Variants in ODR4 observed in about 807,000 individuals in gnomAD.
ODR4 encodes the protein odr-4 GPCR localization factor homolog.
Under a neutral mutation model 60.2 loss-of-function variants are expected in ODR4, and 47 were observed. That is an observed-to-expected ratio of 0.78 (90% CI 0.62 to 1.00). The LOEUF (loss-of-function observed/expected upper bound fraction) is 1.00, where lower values mean the gene tolerates loss of function less well. Among genes scored for constraint, ODR4 ranks in the 50% least tolerant of loss-of-function variants. The pLI is 0.00. For synonymous variants in ODR4, 178 were observed against 175.5 expected (o/e 1.01, Z -0.11); for missense variants, 488 against 530.8 (o/e 0.92, Z 0.79).
intron 12 of ODR4, among the ~76,000 whole-genome samples, chr1:186,414,216 T>C (rs1396478178): frequency 6.6e-6 from 1 of 152,176 alleles, no homozygotes; most frequent in East Asian, 1.9e-4. Context: ...CTCAAATTTG[T>C]ATCAAACCTC....
intron 12 of ODR4, among the ~76,000 whole-genome samples, chr1:186,411,271 A>C (rs1411164352): frequency 6.6e-6 from 1 of 152,134 alleles, no homozygotes; most frequent in Non-Finnish European, 1.5e-5. Flanking sequence ...TACGATCCCA[A>C]GCATTTTGGA....
intron 11 of ODR4, among the ~76,000 whole-genome samples, chr1:186,403,693 A>G (rs557032633): frequency 6.6e-6 from 1 of 152,170 alleles, no homozygotes; most frequent in African/African-American, 2.4e-5. Flanking sequence ...ACTCCAATTA[A>G]TCCTTGCACT....
intron 1 of ODR4, among the ~76,000 whole-genome samples, chr1:186,376,491 G>A (rs188988192): frequency 6.6e-6 from 1 of 152,270 alleles, no homozygotes; most frequent in East Asian, 1.9e-4. Flanking sequence ...TCTCTCTGCA[G>A]TTCCCACAGT....
chr1:186,427,925 G>T, the ODR4 span, among the ~76,000 whole-genome samples: 1 of 152,270 alleles, frequency 6.6e-6, no homozygotes, highest in South Asian at 2.1e-4. Flanking sequence ...TCAACAGTGG[G>T]CTTAAAATAT....
chr1:186,423,861 A>G (rs1042123750), downstream of ODR4, among the ~76,000 whole-genome samples: 2 of 152,174 alleles, frequency 1.3e-5, no homozygotes, highest in African/African-American at 4.8e-5. Flanking sequence ...CTTGTAAGTG[A>G]TTGGCTAATT....
downstream of ODR4, among the ~76,000 whole-genome samples, chr1:186,423,146 C>T (rs1462147009): frequency 1.3e-5 from 2 of 152,138 alleles, no homozygotes; most frequent in African/African-American, 2.4e-5. Flanking sequence ...AACTTTTTGA[C>T]AAGACCTGGC....
intron 11 of ODR4, among the ~76,000 whole-genome samples, chr1:186,399,990 CTTTTTT>C (rs948511178): frequency 5.4e-4 from 61 of 112,076 alleles, no homozygotes; most frequent in Admixed American, 5.2e-3. Flanking sequence ...TTTTTTTTTT[CTTTTTT>C]TTTTTTTTTT....
intron 6 of ODR4, 120 bp from the exon 7 acceptor site, chr1:186,390,591 A>G (rs1660429080): frequency 2.0e-6 from 2 of 1,001,344 alleles, no homozygotes; most frequent in Non-Finnish European, 3.0e-6. Flanking sequence ...GGGTTTAGCC[A>G]TATATGTTAG....
chr1:186,405,672 C>T (rs1413194940), intron 11 of ODR4, among the ~76,000 whole-genome samples: 2 of 152,158 alleles, frequency 1.3e-5, no homozygotes, highest in African/African-American at 4.8e-5. Context: ...CTGCCTCAGC[C>T]TCCTGAGTAG....
chr1:186,381,597 G>A (rs1404678266), intron 2 of ODR4, among the ~76,000 whole-genome samples: 1 of 152,122 alleles, frequency 6.6e-6, no homozygotes, highest in Non-Finnish European at 1.5e-5. Context: ...AAAGTGCTGG[G>A]ATTACAGGCG....
Position 186,421,250 on chromosome 1 carries a change from G to T in ODR4, c.*2174G>T, listed in dbSNP as rs1424202903. 6.6e-6 allele frequency: 1 copy of T among 152,038 alleles called. No individual in the cohort carries two copies. The allele number at this position is 152,038 out of a possible 1,614,324, so 9.4% of individuals were successfully genotyped here. A position where few individuals can be genotyped will look rare whatever the true frequency, so the allele number is the denominator to read the frequency against. ...AGGATTATCTGAAATTGAAAAACTAGTAAGCAAATAAATGATAAACATAAG... is the reference window on the plus strand; with the variant it reads ...AGGATTATCTGAAATTGAAAAACTATTAAGCAAATAAATGATAAACATAAG... On this transcript the variant is annotated 3_prime_UTR_variant, in exon 14 of 14. Transcript: ENST00000287859.
At position 186,401,135 on chromosome 1, in the gene ODR4, T is replaced by G. The variant is rs189775460; in HGVS notation, c.1000+2091T>G. ...ATTTAAAAATCCTTTATAAAAGTGG[T>G]ATTATATGGCTATCCTGGTATTCTT... On this transcript the variant is annotated intron_variant, in intron 11 of 13. Transcript: ENST00000287859. The G allele has an allele frequency of 8.8e-6, 14 of 1,596,274 alleles. No homozygotes were observed. The East Asian group carries it at 2.9e-4, about 33-fold the overall frequency.
Position 186,390,866 on chromosome 1 carries a change from T to G in ODR4, c.615+15T>G. On this transcript the variant is annotated intron_variant, in intron 7 of 13. Transcript: ENST00000287859. ...AAAATACAAAGGTACCAGGGTAAAATGAATTTTCTTCAGTGATTGCTGAGT... is the reference window on the plus strand; with the variant it reads ...AAAATACAAAGGTACCAGGGTAAAAGGAATTTTCTTCAGTGATTGCTGAGT... The G allele has an allele frequency of 6.2e-7, 1 of 1,603,804 alleles. No individual in the cohort carries two copies. Among genetic ancestry groups the G allele is most frequent in the Non-Finnish European group, 8.5e-7 (1 of 1,173,730 alleles).
intron 9 of ODR4, among the ~76,000 whole-genome samples, chr1:186,396,486 G>C (rs1660681644): frequency 6.6e-6 from 1 of 152,126 alleles, no homozygotes; most frequent in Non-Finnish European, 1.5e-5. Flanking sequence ...GTGTGTGCCT[G>C]TAGTCCCAGC....
intron 1 of ODR4, among the ~76,000 whole-genome samples, chr1:186,379,183 C>T (rs1372443729): frequency 6.6e-6 from 1 of 151,876 alleles, no homozygotes; most frequent in Non-Finnish European, 1.5e-5. Context: ...GTGGCTCACG[C>T]CTGTAATCCC....
chr1:186,382,460 C>G (rs993708607), intron 2 of ODR4, among the ~76,000 whole-genome samples: 2 of 151,574 alleles, frequency 1.3e-5, no homozygotes, highest in African/African-American at 4.8e-5. Flanking sequence ...ACACAAAGAA[C>G]AAAAAACAAA....
In ODR4 at chr1:186,389,591, AT is replaced by A. The variant is rs1660381770; in HGVS notation, c.445del (p.Cys149ValfsTer31). 1 of 1,540,386 alleles carries A rather than the reference AT, an allele frequency of 6.5e-7. No homozygotes were observed. The highest frequency in any genetic ancestry group is 8.8e-7 in the Non-Finnish European group (1 of 1,133,336). ...LHICASTKKI[F>X]CRTYDIHDPK... is the part of the protein sequence containing the mutation. ...TTTCTGTCCTTAATTAGTGAAGAAT[AT>A]TTTGTCGAACTTATGATATCCATGA... On this transcript the variant is annotated frameshift_variant, in exon 6 of 14. Coordinates refer to ENST00000287859, the MANE Select transcript of ODR4 (RefSeq NM_017847.6). LOFTEE classifies it high-confidence loss of function.
intron 13 of ODR4, 41 bp from the exon 14 acceptor site, chr1:186,418,968 T>C: frequency 6.4e-7 from 1 of 1,558,024 alleles, no homozygotes; most frequent in Non-Finnish European, 8.7e-7. Context: ...TTTCTTTTGC[T>C]CATTCCATTT....
In ODR4 at chr1:186,379,775, A is replaced by G. The variant is rs772409060; in HGVS notation, c.-11A>G. 2 of 1,523,656 alleles carry G rather than the reference A, an allele frequency of 1.3e-6. No individual in the cohort carries two copies. The highest frequency in any genetic ancestry group is 2.1e-5 in the Admixed American group (1 of 48,102). 94.4% of individuals were successfully genotyped at this position (1,523,656 alleles called of 1,614,324 possible). ...TTCTTCTTGTGATATAGGAGATTTT[A>G]GTTCCTAAAAATGGGAAGAACCTAC... is the stretch of plus-strand genomic sequence containing the variant. On this transcript the variant is annotated 5_prime_UTR_variant, in exon 2 of 14. Coordinates refer to ENST00000287859, the MANE Select transcript of ODR4 (RefSeq NM_017847.6).
Sources: allele counts gnomAD v4.1 joint callset (sites outside exome capture counted in the v4.1 genomes callset), GRCh38; gene constraint gnomAD v4.1.1; transcripts MANE v1.5; gene names NCBI Gene and HGNC (gene_info 2026-07-23, HGNC 2026-07-21).